TTC28: variants seen among roughly 807,000 people sequenced by gnomAD.
TTC28 encodes the protein tetratricopeptide repeat domain 28.
In TTC28, 61 loss-of-function variants were observed where a neutral mutation model predicts 198.0. That is an observed-to-expected ratio of 0.31 (90% CI 0.25 to 0.38). The LOEUF is 0.38. Ranked by LOEUF, TTC28 falls within the 10% of genes least tolerant of loss-of-function variation. TTC28 has a pLI of 1.00. For missense variants in TTC28, 2,678 were observed against 3,164.0 expected, an observed-to-expected ratio of 0.85 and a Z score of 3.69; for synonymous variants, 1,171 against 1,297.8, an observed-to-expected ratio of 0.90 and a Z score of 2.10.
intron 2 of TTC28, among the ~76,000 whole-genome samples, chr22:28,338,270 A>G (rs1010620438): frequency 6.6e-6 from 1 of 152,114 alleles, no homozygotes; most frequent in Admixed American, 6.5e-5. Context: ...GCTGCCCTTA[A>G]CATTTTTTCC....
At position 28,049,733 on chromosome 22, in the gene TTC28, A is replaced by C. The variant is rs566187474; in HGVS notation, c.3933-19367T>G. Among the ~76,000 whole-genome samples, 294 of 152,278 alleles carry C rather than the reference A, an allele frequency of 1.9e-3. 1 individual carries two copies. Among genetic ancestry groups the C allele is most frequent in the African/African-American group, 6.8e-3 (282 of 41,560 alleles). On this transcript the variant is annotated intron_variant, in intron 12 of 22. Transcript: ENST00000397906. The stretch of plus-strand genomic sequence containing the variant: ...GTGTCTACAGTGTGGTAAGGGCACA[A>C]GATGAGTGTGTGTGAGGGGTGTGTG...
intron 2 of TTC28, among the ~76,000 whole-genome samples, chr22:28,371,843 G>A (rs2145993562): frequency 6.8e-6 from 1 of 147,564 alleles, no homozygotes. Context: ...GCCTCCCAAA[G>A]TGCTGGGATT....
chr22:28,500,151 C>T (rs556919085), intron 2 of TTC28, among the ~76,000 whole-genome samples: 1 of 152,234 alleles, frequency 6.6e-6, no homozygotes, highest in African/African-American at 2.4e-5. Context: ...TTTATCACCC[C>T]TAAAAGTTCC....
intron 1 of TTC28, among the ~76,000 whole-genome samples, chr22:28,677,790 T>A (rs1266184989): frequency 6.6e-6 from 1 of 151,056 alleles, no homozygotes; most frequent in Non-Finnish European, 1.5e-5. Context: ...ATACATAAAT[T>A]AGCTGGGCAT....
chr22:28,154,329 TTTTTTC>T (rs1444689469), intron 6 of TTC28, among the ~76,000 whole-genome samples: 15 of 141,468 alleles, frequency 1.1e-4, no homozygotes, highest in African/African-American at 2.7e-4. Flanking sequence ...CCATTTTTTT[TTTTTTC>T]TTTTCTTTTC....
chr22:28,133,696 TA>T (rs1943118035), intron 6 of TTC28, among the ~76,000 whole-genome samples: 1 of 152,008 alleles, frequency 6.6e-6, no homozygotes, highest in African/African-American at 2.4e-5. Flanking sequence ...CTTGAGTAGG[TA>T]AACAAAGTGG....
chr22:28,116,789 T>C (rs1352353400), intron 6 of TTC28, among the ~76,000 whole-genome samples: 5 of 152,230 alleles, frequency 3.3e-5, no homozygotes, highest in Non-Finnish European at 7.3e-5. Flanking sequence ...GAGCACCTTC[T>C]GAGGGTCCCT....
intron 5 of TTC28, among the ~76,000 whole-genome samples, chr22:28,231,376 T>C (rs1422933106): frequency 6.6e-6 from 1 of 152,240 alleles, no homozygotes; most frequent in Non-Finnish European, 1.5e-5. Flanking sequence ...TTTTGTTTTG[T>C]TTTGTTTTGT....
intron 1 of TTC28, among the ~76,000 whole-genome samples, chr22:28,677,148 T>G (rs931817699): frequency 2.2e-5 from 2 of 91,648 alleles, no homozygotes; most frequent in African/African-American, 8.6e-5. Context: ...AGAGCAAGAC[T>G]CCATCTCAGG....
chr22:28,071,747 G>GTAAAAAAAAAAAAAAAAAAA, intron 12 of TTC28, among the ~76,000 whole-genome samples: 1 of 112,436 alleles, frequency 8.9e-6, no homozygotes, highest in Non-Finnish European at 1.8e-5. Flanking sequence ...AAAAAAAAAA[G>GTAAAAAAAAAAAAAAAAAAA]GAAAAAAAAA....
intron 5 of TTC28, among the ~76,000 whole-genome samples, chr22:28,202,929 T>C (rs902255637): frequency 1.1e-4 from 16 of 152,202 alleles, no homozygotes; most frequent in African/African-American, 3.9e-4. Flanking sequence ...GGATACAGTT[T>C]ATTCCTTCCT....
chr22:28,567,479 C>CATATATATATATATATATATATATATAT lies in TTC28; in HGVS notation c.381+62045_381+62072dup, dbSNP rs398040471. 6.3e-4 allele frequency among the ~76,000 whole-genome samples: 32 copies of CATATATATATATATATATATATATATAT among 51,134 alleles called. 3 individuals are homozygous for CATATATATATATATATATATATATATAT. Among genetic ancestry groups the CATATATATATATATATATATATATATAT allele is most frequent in the Admixed American group, 1.1e-3 (3 of 2,834 alleles). The allele number at this position is 51,134 out of a possible 152,430, so 33.5% of individuals were successfully genotyped here. A position where few individuals can be genotyped will look rare whatever the true frequency, so the allele number is the denominator to read the frequency against. ...CACACCACACGCATATACATACATA[C>CATATATATATATATATATATATATATAT]ATATATATATATATATATATATATA... On this transcript the variant is annotated intron_variant, in intron 2 of 22. Coordinates refer to ENST00000397906, the MANE Select transcript of TTC28 (RefSeq NM_001145418.2).
intron 1 of TTC28, among the ~76,000 whole-genome samples, chr22:28,660,391 T>C (rs967958158): frequency 1.3e-5 from 2 of 152,200 alleles, no homozygotes; most frequent in African/African-American, 4.8e-5. Context: ...AGTGGCACCA[T>C]CTCAGCTCAC....
intron 5 of TTC28, among the ~76,000 whole-genome samples, chr22:28,203,500 G>T (rs574057970): frequency 3.2e-4 from 49 of 152,180 alleles, no homozygotes; most frequent in African/African-American, 1.2e-3. Context: ...CATATAAAAG[G>T]AAGTGTGATA....
intron 5 of TTC28, among the ~76,000 whole-genome samples, chr22:28,270,199 C>T (rs1931963395): frequency 6.6e-6 from 1 of 151,810 alleles, no homozygotes; most frequent in South Asian, 2.1e-4. Flanking sequence ...TCCGGAAAAG[C>T]AGGACAATTC....
At chr22:28,568,383 G>C (rs1414954675) in intron 2 of TTC28, among the ~76,000 whole-genome samples, 1 of 152,090 alleles carries the variant, frequency 6.6e-6, no homozygotes, top group African/African-American at 2.4e-5. Flanking sequence ...ACAAGAGAAA[G>C]AAATAAAAGA....
At chr22:28,182,421 A>G (rs1241180435) in intron 5 of TTC28, among the ~76,000 whole-genome samples, 1 of 152,154 alleles carries the variant, frequency 6.6e-6, no homozygotes, top group African/African-American at 2.4e-5. Flanking sequence ...GCAGGGCAGG[A>G]TATATTGAAG....
At chr22:28,306,408 A>G (rs1476640418) in intron 3 of TTC28, 88 bp downstream of exon 3, 1 of 1,425,938 alleles carries the variant, frequency 7.0e-7, no homozygotes, top group Non-Finnish European at 9.4e-7. Flanking sequence ...TAACCTATCA[A>G]TTCTCTGTGC....
At chr22:28,207,415 C>T (rs1926520741) in intron 5 of TTC28, among the ~76,000 whole-genome samples, 1 of 151,988 alleles carries the variant, frequency 6.6e-6, no homozygotes, top group African/African-American at 2.4e-5. Context: ...GGGCAAGGGG[C>T]CACCTTTGGA....
Sources: gnomAD v4.1 joint callset for allele counts (sites outside exome capture counted in the v4.1 genomes callset) on GRCh38, gnomAD v4.1.1 for gene constraint, MANE v1.5 for transcripts, NCBI Gene and HGNC (gene_info 2026-07-23, HGNC 2026-07-21) for gene names.